CSTPP1: variants seen among roughly 807,000 people sequenced by gnomAD.
CSTPP1 encodes UPF0705 protein C11orf49.
chr11:47,137,544 A>C, the CSTPP1 span: 1 of 1,581,598 alleles, frequency 6.3e-7, no homozygotes, highest in Non-Finnish European at 8.6e-7. Flanking sequence ...TTAAAAGAAC[A>C]GCTCTACCAA....
At chr11:47,140,513 C>T in the CSTPP1 span, among the ~76,000 whole-genome samples, 7 of 152,126 alleles carry the variant, frequency 4.6e-5, no homozygotes, top group Admixed American at 3.9e-4. Context: ...GCCTTCACCC[C>T]GCCTCTCCCT....
the CSTPP1 span, among the ~76,000 whole-genome samples, chr11:47,083,438 A>T: frequency 1.3e-5 from 2 of 152,116 alleles, no homozygotes; most frequent in African/African-American, 2.4e-5. Flanking sequence ...TTTTGTGAAC[A>T]TGTTTTCAGT....
chr11:47,159,940 G>T, the CSTPP1 span: 1 of 335,608 alleles, frequency 3.0e-6, no homozygotes, highest in South Asian at 2.3e-5. Context: ...GGAGGCGGAG[G>T]TTGCAGTGAG....
At chr11:47,110,382 GCAGA>G in the CSTPP1 span, among the ~76,000 whole-genome samples, 16 of 152,280 alleles carry the variant, frequency 1.1e-4, no homozygotes, top group Admixed American at 4.6e-4. Flanking sequence ...AATAGTAAAG[GCAGA>G]CAGACAGAGA....
chr11:47,095,201 C>G, the CSTPP1 span, among the ~76,000 whole-genome samples: 7 of 152,034 alleles, frequency 4.6e-5, no homozygotes, highest in Non-Finnish European at 1.0e-4. Context: ...GCTTAAAAAT[C>G]AATGAAGGGG....
At chr11:47,087,367 T>A in the CSTPP1 span, among the ~76,000 whole-genome samples, 1 of 152,196 alleles carries the variant, frequency 6.6e-6, no homozygotes, top group Non-Finnish European at 1.5e-5. Flanking sequence ...TGTTCCTCAT[T>A]TGCATGGAGA....
the CSTPP1 span, among the ~76,000 whole-genome samples, chr11:47,070,338 T>C: frequency 1.8e-4 from 28 of 152,146 alleles, no homozygotes; most frequent in Non-Finnish European, 3.8e-4. Flanking sequence ...TTTAATATTT[T>C]CCAGTTTTAT....
At chr11:46,981,538 A>G in the CSTPP1 span, among the ~76,000 whole-genome samples, 7 of 152,236 alleles carry the variant, frequency 4.6e-5, no homozygotes, top group South Asian at 1.2e-3. Flanking sequence ...TCTTAATACT[A>G]TAAAGTATTA....
chr11:47,081,008 C>CA, the CSTPP1 span, among the ~76,000 whole-genome samples: 954 of 79,712 alleles, frequency 0.012, 10 homozygotes, highest in African/African-American at 0.032. Flanking sequence ...GACCCCATCT[C>CA]AAAAAAAAAA....
At chr11:47,067,449 T>G in the CSTPP1 span, among the ~76,000 whole-genome samples, 1 of 152,060 alleles carries the variant, frequency 6.6e-6, no homozygotes, top group Non-Finnish European at 1.5e-5. Context: ...ACCTCCAATG[T>G]GACTATATTT....
chr11:47,107,033 A>G, the CSTPP1 span, among the ~76,000 whole-genome samples: 1 of 152,090 alleles, frequency 6.6e-6, no homozygotes, highest in Admixed American at 6.6e-5. Flanking sequence ...AACCATCAGG[A>G]CCCCCAAACC....
the CSTPP1 span, among the ~76,000 whole-genome samples, chr11:47,111,719 T>C: frequency 6.6e-6 from 1 of 152,122 alleles, no homozygotes; most frequent in Admixed American, 6.6e-5. Flanking sequence ...CTTCTAAAAA[T>C]GTTGAAGGAC....
chr11:47,157,552 C>T, the CSTPP1 span, among the ~76,000 whole-genome samples: 1 of 152,138 alleles, frequency 6.6e-6, no homozygotes, highest in African/African-American at 2.4e-5. Flanking sequence ...TCCTGTGTGG[C>T]ACAAGTACCC....
chr11:47,007,551 A>G, the CSTPP1 span, among the ~76,000 whole-genome samples: 2 of 151,844 alleles, frequency 1.3e-5, no homozygotes, highest in Admixed American at 6.6e-5. Context: ...TAAATAAAGC[A>G]TGGTTATTAC....
chr11:47,151,783 C>G, the CSTPP1 span, among the ~76,000 whole-genome samples: 7 of 151,764 alleles, frequency 4.6e-5, no homozygotes, highest in African/African-American at 1.5e-4. Flanking sequence ...AGCCACATGT[C>G]CCCCAGAAAG....
At chr11:47,159,246 AC>A in the CSTPP1 span, among the ~76,000 whole-genome samples, 18 of 152,322 alleles carry the variant, frequency 1.2e-4, no homozygotes, top group African/African-American at 4.1e-4. Flanking sequence ...GTGGTGCCTC[AC>A]GCCTGTAATC....
the CSTPP1 span, among the ~76,000 whole-genome samples, chr11:47,072,856 A>G: frequency 6.6e-6 from 1 of 152,216 alleles, no homozygotes; most frequent in Non-Finnish European, 1.5e-5. Context: ...GTAAAATTAA[A>G]TTCAGAAAGC....
the CSTPP1 span, among the ~76,000 whole-genome samples, chr11:46,949,668 A>AC: frequency 2.2e-3 from 310 of 138,442 alleles, 2 homozygotes; most frequent in Middle Eastern, 0.012. Flanking sequence ...AGAGAAAATA[A>AC]CTTTTTTTTT....
At chr11:47,002,762 G>T in the CSTPP1 span, among the ~76,000 whole-genome samples, 1 of 152,162 alleles carries the variant, frequency 6.6e-6, no homozygotes, top group African/African-American at 2.4e-5. Context: ...GTTTTCATGG[G>T]AGCTGCTTTT....
Sources: allele counts gnomAD v4.1 joint callset (sites outside exome capture counted in the v4.1 genomes callset), GRCh38; gene constraint gnomAD v4.1.1; transcripts MANE v1.5; gene names NCBI Gene and HGNC (gene_info 2026-07-23, HGNC 2026-07-21).